Variants in YWHAH observed in about 807,000 individuals in gnomAD.
The protein encoded by YWHAH is 14-3-3 protein eta.
Under a neutral mutation model 22.9 loss-of-function variants are expected in YWHAH, and 6 were observed. That is an observed-to-expected ratio of 0.26 (90% confidence interval 0.14 to 0.52). YWHAH has a LOEUF of 0.52. Ranked by LOEUF, YWHAH falls within the 20% of genes least tolerant of loss-of-function variation. YWHAH has a pLI of 0.97. For synonymous variants in YWHAH, 135 were observed against 124.5 expected, an observed-to-expected ratio of 1.08 and a Z score of -0.56; for missense variants, 173 against 308.6, an observed-to-expected ratio of 0.56 and a Z score of 3.29.
chr22:31,945,712 C>T (rs2093833354), intron 1 of YWHAH: 3 of 1,233,432 alleles, frequency 2.4e-6, no homozygotes, highest in Non-Finnish European at 3.1e-6. Flanking sequence ...GCGTCAAGGT[C>T]ACACAGTGGT....
intron 1 of YWHAH, among the ~76,000 whole-genome samples, chr22:31,948,948 C>T (rs1380389840): frequency 6.6e-6 from 1 of 152,144 alleles, no homozygotes; most frequent in Non-Finnish European, 1.5e-5. Flanking sequence ...CCGGAACTGA[C>T]TCCCTTAAAG....
chr22:31,954,519 A>G (rs543049752), intron 1 of YWHAH, among the ~76,000 whole-genome samples: 11 of 152,212 alleles, frequency 7.2e-5, no homozygotes, highest in Non-Finnish European at 1.5e-4. Context: ...TGCTGAACCT[A>G]GTACGACAAA....
intron 1 of YWHAH, among the ~76,000 whole-genome samples, chr22:31,949,572 A>G (rs961560550): frequency 2.7e-5 from 4 of 148,840 alleles, no homozygotes; most frequent in Non-Finnish European, 4.5e-5. Flanking sequence ...ATCTTGGTTC[A>G]CTGCAAGCTC....
chr22:31,944,912 A>G (rs886264466), intron 1 of YWHAH, 92 bp downstream of exon 1: 74 of 1,155,394 alleles, frequency 6.4e-5, no homozygotes, highest in Non-Finnish European at 7.5e-5. Context: ...CCTCCCGGCC[A>G]TGGGCGACCC....
chr22:31,951,560 T>C (rs1324810110), intron 1 of YWHAH, among the ~76,000 whole-genome samples: 1 of 152,230 alleles, frequency 6.6e-6, no homozygotes, highest in Admixed American at 6.5e-5. Context: ...GTCCCTGTAC[T>C]GTTTTTGGCA....
intron 1 of YWHAH, among the ~76,000 whole-genome samples, chr22:31,952,732 GTCA>G (rs1231453816): frequency 3.3e-5 from 5 of 152,210 alleles, no homozygotes; most frequent in Non-Finnish European, 5.9e-5. Context: ...TTGTGAAGGT[GTCA>G]TCATAAATAC....
chr22:31,954,652 C>T (rs559967511), intron 1 of YWHAH, among the ~76,000 whole-genome samples: 36 of 152,304 alleles, frequency 2.4e-4, no homozygotes, highest in African/African-American at 7.9e-4. Context: ...CCTAGGCACT[C>T]TCCCAGCTTC....
intron 1 of YWHAH, chr22:31,945,182 G>A: frequency 9.0e-7 from 1 of 1,114,316 alleles, no homozygotes; most frequent in Non-Finnish European, 1.1e-6. Flanking sequence ...CCGGACCCGG[G>A]GGCTCCCCCT....
At chr22:31,953,645 A>G (rs1456902640) in intron 1 of YWHAH, among the ~76,000 whole-genome samples, 2 of 152,206 alleles carry the variant, frequency 1.3e-5, no homozygotes, top group African/African-American at 4.8e-5. Flanking sequence ...TAAGGGGAGC[A>G]TGGATTGTAG....
At position 31,944,907 on chromosome 22, in the gene YWHAH, C is replaced by G. The variant is rs540321470; in HGVS notation, c.87+87C>G. Reference sequence around the variant, plus strand: ...GATGGCCGCGGGCGCGTTCCCCTCCCGGCCATGGGCGACCCGGCGACCCGG... The same window carrying G: ...GATGGCCGCGGGCGCGTTCCCCTCCGGGCCATGGGCGACCCGGCGACCCGG... On this transcript the variant is annotated intron_variant, in intron 1 of 1. Coordinates refer to ENST00000248975, the MANE Select transcript of YWHAH (RefSeq NM_003405.4). 38 of 1,156,496 alleles carry G rather than the reference C, an allele frequency of 3.3e-5. No homozygotes were observed. In the South Asian group the frequency reaches 1.3e-3, roughly 40 times the overall value. 71.6% of individuals were successfully genotyped at this position (1,156,496 alleles called of 1,614,324 possible).
chr22:31,951,053 C>T (rs1228256817), intron 1 of YWHAH, among the ~76,000 whole-genome samples: 2 of 152,062 alleles, frequency 1.3e-5, no homozygotes, highest in African/African-American at 2.4e-5. Context: ...CCACCATGCC[C>T]AGCTAATTTT....
intron 1 of YWHAH, chr22:31,950,292 A>C (rs569035171): frequency 1.3e-6 from 1 of 779,014 alleles, no homozygotes; most frequent in East Asian, 2.4e-5. Flanking sequence ...GCAGGCCCCA[A>C]AATTTCTGTC....
At chr22:31,955,271 GTGTGA>G (rs1429866751) in intron 1 of YWHAH, among the ~76,000 whole-genome samples, 1 of 152,138 alleles carries the variant, frequency 6.6e-6, no homozygotes, top group African/African-American at 2.4e-5. Flanking sequence ...CACTGGATCT[GTGTGA>G]TGTTCCATCT....
rs117157815 is a variant in YWHAH at position 31,946,849 on chromosome 22, A to G, written c.87+2029A>G. Among the ~76,000 whole-genome samples the G allele has an allele frequency of 7.2e-3, 1,089 of 152,306 alleles. 7 individuals are homozygous for G. The highest frequency in any genetic ancestry group is 0.011 in the Non-Finnish European group (729 of 68,030). On this transcript the variant is annotated intron_variant, in intron 1 of 1. Coordinates refer to ENST00000248975, the MANE Select transcript of YWHAH (RefSeq NM_003405.4). ...CTTTTGTAAACCAAAGGAATCTATAATATCTATATTTGAAATAATTAATGA... is the reference window on the plus strand; with the variant it reads ...CTTTTGTAAACCAAAGGAATCTATAGTATCTATATTTGAAATAATTAATGA...
In YWHAH at chr22:31,946,545, G is replaced by C. The variant is rs548566599; in HGVS notation, c.87+1725G>C. Among the ~76,000 whole-genome samples the C allele has an allele frequency of 1.3e-4, 20 of 150,814 alleles. 1 individual carries two copies. The South Asian group carries it at 4.1e-3, about 31-fold the overall frequency. On this transcript the variant is annotated intron_variant, in intron 1 of 1. Transcript: ENST00000248975. ...TGAGACGTAAAGACTGCAGTGTTCG[G>C]AGCCCTTTGGGAAATAAATGTGGTG...
intron 1 of YWHAH, 148 bp downstream of exon 1, chr22:31,944,968 T>G: frequency 8.9e-7 from 1 of 1,117,492 alleles, no homozygotes; most frequent in East Asian, 4.7e-5. Context: ...TAGCCCGCGC[T>G]TCCCGCTCCC....
At chr22:31,955,438 T>TA in intron 1 of YWHAH, among the ~76,000 whole-genome samples, 1 of 126,702 alleles carries the variant, frequency 7.9e-6, no homozygotes, top group East Asian at 2.2e-4. Flanking sequence ...GTTCAGAGTA[T>TA]CTTTTTTTTT....
At position 31,944,539 on chromosome 22, in the gene YWHAH, C is replaced by T. The variant is rs967422056; in HGVS notation, c.-195C>T. ...GCGTTGTCCGCGGCGCGAGCCACAG[C>T]GCGCGGGGCGAGCCAGCGAGAGGGC... On this transcript the variant is annotated 5_prime_UTR_variant, in exon 1 of 2. Coordinates refer to ENST00000248975, the MANE Select transcript of YWHAH (RefSeq NM_003405.4). 15 of 208,866 alleles carry T rather than the reference C, an allele frequency of 7.2e-5. 1 individual carries two copies. The highest frequency in any genetic ancestry group is 1.2e-4 in the Non-Finnish European group (14 of 113,896). 12.9% of individuals were successfully genotyped at this position (208,866 alleles called of 1,614,324 possible). A position where few individuals can be genotyped will look rare whatever the true frequency, so the allele number is the denominator to read the frequency against.
intron 1 of YWHAH, among the ~76,000 whole-genome samples, chr22:31,947,004 GA>G (rs371341174): frequency 1.3e-5 from 2 of 151,836 alleles, no homozygotes; most frequent in Non-Finnish European, 2.9e-5. Context: ...TTCTTTAAAA[GA>G]AAAAAAAGAA....
Sources: gnomAD v4.1 joint callset for allele counts (sites outside exome capture counted in the v4.1 genomes callset) on GRCh38, gnomAD v4.1.1 for gene constraint, MANE v1.5 for transcripts, NCBI Gene and HGNC (gene_info 2026-07-23, HGNC 2026-07-21) for gene names.